Variants in CNBD1 observed in about 807,000 individuals in gnomAD.
CNBD1 encodes cyclic nucleotide-binding domain-containing protein 1.
Under a neutral mutation model 54.4 loss-of-function variants are expected in CNBD1, and 71 were observed. The ratio of observed to expected loss-of-function variants is 1.30; its 90% CI spans 1.08 to 1.59. The LOEUF (loss-of-function observed/expected upper bound fraction) is 1.59, where lower values mean the gene tolerates loss of function less well. Among genes scored for constraint, CNBD1 ranks in the 40% most tolerant of loss-of-function variants. CNBD1 has a pLI of 0.00. For synonymous variants in CNBD1, 182 were observed against 170.7 expected, an observed-to-expected ratio of 1.07 and a Z score of -0.51; for missense variants, 659 against 518.0, an observed-to-expected ratio of 1.27 and a Z score of -2.64.
chr8:87,223,710 A>G (rs1814403788), intron 5 of CNBD1, among the ~76,000 whole-genome samples: 1 of 151,998 alleles, frequency 6.6e-6, no homozygotes, highest in Non-Finnish European at 1.5e-5. Flanking sequence ...ATACGTGTGC[A>G]TGTGTCTTTA....
intron 3 of CNBD1, among the ~76,000 whole-genome samples, chr8:86,906,243 T>G (rs1809014812): frequency 6.6e-6 from 1 of 152,236 alleles, no homozygotes; most frequent in African/African-American, 2.4e-5. Flanking sequence ...GGTTGGAAGA[T>G]ATCAGCATGA....
intron 4 of CNBD1, among the ~76,000 whole-genome samples, chr8:87,064,814 A>G (rs1013121286): frequency 2.0e-5 from 3 of 151,920 alleles, no homozygotes; most frequent in African/African-American, 7.2e-5. Flanking sequence ...GGCTTTTAAA[A>G]TCTGTAATTT....
chr8:87,300,717 T>C (rs10094359), intron 8 of CNBD1, among the ~76,000 whole-genome samples: 57,639 of 151,876 alleles, frequency 0.38, 11,221 homozygotes, highest in Middle Eastern at 0.45. Context: ...CACACACATA[T>C]ACACACACAT....
At chr8:87,385,243 A>G (rs1018934092), downstream of CNBD1, among the ~76,000 whole-genome samples, 10 of 152,136 alleles carry the variant, frequency 6.6e-5, no homozygotes, top group African/African-American at 2.2e-4. Context: ...TACCGGGTTC[A>G]TCTCACTGGG....
intron 4 of CNBD1, among the ~76,000 whole-genome samples, chr8:87,085,354 A>G (rs568994492): frequency 2.4e-4 from 36 of 152,022 alleles, no homozygotes; most frequent in African/African-American, 8.4e-4. Context: ...TTTGTACTTG[A>G]TAAGCTGATG....
chr8:87,260,194 T>A (rs1808107124), intron 6 of CNBD1, among the ~76,000 whole-genome samples: 1 of 152,184 alleles, frequency 6.6e-6, no homozygotes, highest in Non-Finnish European at 1.5e-5. Context: ...TCCAGATAAT[T>A]TTTAGAGCTA....
chr8:87,427,999 ACT>A (rs1465529453), intron 2 of CNBD1, among the ~76,000 whole-genome samples: 1 of 151,838 alleles, frequency 6.6e-6, no homozygotes, highest in African/African-American at 2.4e-5. Context: ...AGCCTGATAT[ACT>A]CTCTTGTCTA....
At position 87,206,137 on chromosome 8, in the gene CNBD1, A is replaced by G; in HGVS notation, c.576A>G (p.Thr192=). The G allele has an allele frequency of 6.3e-7, 1 of 1,581,842 alleles. No homozygotes were observed. The highest frequency in any genetic ancestry group is 1.2e-5 in the South Asian group (1 of 85,440). ...VFSETWLKGS[T]VVANDGFYVI... ...CCGAAACCTGGTTGAAAGGCAGCAC[A>G]GGTAATAGACTAATGTGGGATAAAT... Residue 192 remains threonine, a splice_region_variant and synonymous_variant, in exon 5 of 11, where the codon ACA becomes ACG. Coordinates refer to ENST00000518476, the MANE Select transcript of CNBD1 (RefSeq NM_173538.3).
At chr8:87,407,659 TG>T (rs1807673600) in intron 2 of CNBD1, among the ~76,000 whole-genome samples, 1 of 152,068 alleles carries the variant, frequency 6.6e-6, no homozygotes, top group African/African-American at 2.4e-5. Flanking sequence ...TGTCAGCTAT[TG>T]GTTTTTTCCT....
chr8:86,997,984 A>G (rs1808913474), intron 4 of CNBD1, among the ~76,000 whole-genome samples: 1 of 152,172 alleles, frequency 6.6e-6, no homozygotes, highest in South Asian at 2.1e-4. Context: ...GAGTGAGCCC[A>G]TAATGTACTC....
At chr8:87,376,781 T>G (rs1260206354) in intron 10 of CNBD1, among the ~76,000 whole-genome samples, 1 of 151,922 alleles carries the variant, frequency 6.6e-6, no homozygotes, top group African/African-American at 2.4e-5. Flanking sequence ...ATAAGTAACT[T>G]GCACAAATAC....
At chr8:87,290,784 C>T (rs112185213) in intron 8 of CNBD1, among the ~76,000 whole-genome samples, 4 of 152,124 alleles carry the variant, frequency 2.6e-5, no homozygotes, top group Non-Finnish European at 4.4e-5. Context: ...GTTAAAAATG[C>T]AATCCCACTT....
At chr8:87,238,663 C>T (rs143527196) in intron 6 of CNBD1, among the ~76,000 whole-genome samples, 2 of 151,886 alleles carry the variant, frequency 1.3e-5, no homozygotes, top group Non-Finnish European at 2.9e-5. Flanking sequence ...ATATCTATCT[C>T]TCTATCATGT....
intron 4 of CNBD1, among the ~76,000 whole-genome samples, chr8:86,992,460 C>G (rs1429198335): frequency 6.6e-6 from 1 of 152,024 alleles, no homozygotes; most frequent in Non-Finnish European, 1.5e-5. Context: ...GCATTTAGAC[C>G]ATTTTCATTC....
At chr8:87,223,842 G>C (rs886453470) in intron 5 of CNBD1, among the ~76,000 whole-genome samples, 8 of 152,128 alleles carry the variant, frequency 5.3e-5, no homozygotes, top group East Asian at 1.9e-4. Context: ...GGTTGAACTA[G>C]TTTACAGTCC....
intron 4 of CNBD1, among the ~76,000 whole-genome samples, chr8:86,975,640 T>A (rs1186403755): frequency 1.3e-5 from 2 of 152,070 alleles, no homozygotes; most frequent in African/African-American, 4.8e-5. Context: ...TGATGAGCAC[T>A]TCAGTTGTTT....
chr8:87,223,374 A>T (rs1814389994), intron 5 of CNBD1, among the ~76,000 whole-genome samples: 1 of 151,276 alleles, frequency 6.6e-6, no homozygotes, highest in Non-Finnish European at 1.5e-5. Flanking sequence ...TATATCTCCC[A>T]ATGCTATCCC....
At chr8:87,380,431 AT>A (rs1008465144) in intron 10 of CNBD1, among the ~76,000 whole-genome samples, 2 of 152,024 alleles carry the variant, frequency 1.3e-5, no homozygotes, top group African/African-American at 4.8e-5. Flanking sequence ...TTTGTAAGGT[AT>A]TTTCAAAGCA....
At chr8:87,186,461 T>G (rs1813478120) in intron 4 of CNBD1, among the ~76,000 whole-genome samples, 1 of 152,116 alleles carries the variant, frequency 6.6e-6, no homozygotes, top group African/African-American at 2.4e-5. Context: ...ACCCTATTCC[T>G]AGTTATTATC....
Sources: allele counts gnomAD v4.1 joint callset (sites outside exome capture counted in the v4.1 genomes callset), GRCh38; gene constraint gnomAD v4.1.1; transcripts MANE v1.5; gene names NCBI Gene and HGNC (gene_info 2026-07-23, HGNC 2026-07-21).